NUFIP2: variants seen among roughly 807,000 people sequenced by gnomAD.
NUFIP2 encodes the protein nuclear FMR1 interacting protein 2, also known as FMR1-interacting protein NUFIP2.
In NUFIP2, 6 loss-of-function variants were observed where a neutral mutation model predicts 56.9. That is an observed-to-expected ratio of 0.11 (90% CI 0.06 to 0.21). The LOEUF (loss-of-function observed/expected upper bound fraction) is 0.21, where lower values mean the gene tolerates loss of function less well. Ranked by LOEUF, NUFIP2 falls within the 10% of genes least tolerant of loss-of-function variation. The probability of loss-of-function intolerance (pLI) is 1.00; values close to 1 mark genes in which losing one functional copy is unlikely to be tolerated. For synonymous variants in NUFIP2, 321 were observed against 298.2 expected (o/e 1.08, Z -0.79); for missense variants, 828 against 826.8 (o/e 1.00, Z -0.02).
chr17:29,291,854 A>G (rs2069215771), intron 1 of NUFIP2, among the ~76,000 whole-genome samples: 1 of 152,220 alleles, frequency 6.6e-6, no homozygotes, highest in Admixed American at 6.5e-5. Context: ...TCTATTGCAT[A>G]CTATCGGGTC....
chr17:29,294,114 C>A lies in NUFIP2; in HGVS notation c.-55G>T. 6.5e-7 allele frequency: 1 copy of A among 1,540,770 alleles called. No individual in the cohort carries two copies. The highest frequency in any genetic ancestry group is 8.7e-7 in the Non-Finnish European group (1 of 1,143,540). ...CTGCGGGCTGCTGCACCGTCAGGAT[C>A]TGAGACTGCTTCTCAGGGCTCACTC... On this transcript the variant is annotated 5_prime_UTR_variant, in exon 1 of 4. Transcript: ENST00000225388.
Position 29,286,230 on chromosome 17 carries a change from A to C in NUFIP2, c.1764T>G (p.Ser588Arg). ...GACTGGGTTCCAAGGATAAGGCTCCACTCTCACTAGTAGTCCCAGATTTTA... is the reference window on the plus strand; with the variant it reads ...GACTGGGTTCCAAGGATAAGGCTCCCCTCTCACTAGTAGTCCCAGATTTTA... ...SILKSGTTSE[S>R]GALSLEPSHI... is the part of the protein sequence containing the mutation. The change falls in exon 2 of 4, where the codon AGT (serine) becomes AGG (arginine). Residue 588 changes from serine to arginine, a missense_variant. Ser to Arg is a moderately radical substitution (Grantham distance 110). Coordinates refer to ENST00000225388, the MANE Select transcript of NUFIP2 (RefSeq NM_020772.3). The C allele has an allele frequency of 6.2e-7, 1 of 1,614,036 alleles. No homozygotes were observed. Among genetic ancestry groups the C allele is most frequent in the Non-Finnish European group, 8.5e-7 (1 of 1,180,002 alleles).
intron 3 of NUFIP2, among the ~76,000 whole-genome samples, chr17:29,266,944 C>T (rs1440482108): frequency 6.6e-6 from 1 of 151,806 alleles, no homozygotes; most frequent in Non-Finnish European, 1.5e-5. Context: ...GCTCTTGTTG[C>T]CCAGGCTGGA....
At chr17:29,265,452 G>A (rs1421895946) in intron 3 of NUFIP2, among the ~76,000 whole-genome samples, 1 of 146,412 alleles carries the variant, frequency 6.8e-6, no homozygotes, top group Non-Finnish European at 1.5e-5. Context: ...ACAGGCGCCC[G>A]CTACCACGCC....
intron 2 of NUFIP2, among the ~76,000 whole-genome samples, chr17:29,272,970 C>A (rs2069084842): frequency 6.6e-6 from 1 of 151,894 alleles, no homozygotes; most frequent in Non-Finnish European, 1.5e-5. Context: ...CTGCCTCAGC[C>A]TCCCAAATAG....
rs138637053 is a variant in NUFIP2 at position 29,292,366 on chromosome 17, G to A, written c.277+1417C>T. On this transcript the variant is annotated intron_variant, in intron 1 of 3. Coordinates refer to ENST00000225388, the MANE Select transcript of NUFIP2 (RefSeq NM_020772.3). ...CAAAGACACTACCCAAGCTCAGAAG[G>A]TAAGTGCTGGGTCGGGAGGGGAATG... Among the ~76,000 whole-genome samples, 1,040 of 151,152 alleles carry A rather than the reference G, an allele frequency of 6.9e-3. 8 individuals are homozygous for A. Among genetic ancestry groups the A allele is most frequent in the Non-Finnish European group, 0.011 (770 of 67,874 alleles).
intron 2 of NUFIP2, among the ~76,000 whole-genome samples, chr17:29,270,726 T>A (rs549757525): frequency 5.9e-4 from 90 of 152,106 alleles, no homozygotes; most frequent in Admixed American, 5.9e-4. Flanking sequence ...ACGCCTGTAA[T>A]CCCAGTACTT....
rs1209609960 is a variant in NUFIP2, at chr17:29,260,544, T to C, written c.*3995A>G. 2 of 152,242 alleles carry C rather than the reference T, an allele frequency of 1.3e-5. No homozygotes were observed. The highest frequency in any genetic ancestry group is 4.8e-5 in the African/African-American group (2 of 41,462). 9.4% of individuals were successfully genotyped at this position (152,242 alleles called of 1,614,324 possible). A position where few individuals can be genotyped will look rare whatever the true frequency, so the allele number is the denominator to read the frequency against. ...GTAAAGTCCATTTCCAATAGCCATT[T>C]GATACATGACAATTTCACACTAAAT... On this transcript the variant is annotated 3_prime_UTR_variant, in exon 4 of 4. Transcript: ENST00000225388.
intron 2 of NUFIP2, among the ~76,000 whole-genome samples, chr17:29,268,702 T>G (rs959512521): frequency 7.2e-5 from 11 of 152,002 alleles, no homozygotes; most frequent in African/African-American, 2.7e-4. Flanking sequence ...TATATATATT[T>G]TTTTTTAGTA....
chr17:29,286,703 C>A lies in NUFIP2; in HGVS notation c.1291G>T (p.Gly431Trp), dbSNP rs771144395. The change falls in exon 2 of 4, where the codon GGG becomes TGG. Residue 431 changes from glycine to tryptophan, a missense_variant. Gly to Trp is a radical substitution (Grantham distance 184). Around this residue, in one of 3 missense-constraint regions of NUFIP2, gnomAD observed 404 missense variants for 380.3 expected, o/e 1.06. Transcript: ENST00000225388. ...AGTDGNVYPP[G>W]GQPLLTTAAN... ...GCAGTAGTTAGCAGTGGCTGACCCC[C>A]TGGAGGATAAACATTTCCATCAGTC... is the stretch of plus-strand genomic sequence containing the variant. 6.2e-7 allele frequency: 1 copy of A among 1,614,138 alleles called. No individual in the cohort carries two copies. Among genetic ancestry groups the A allele is most frequent in the Admixed American group, 1.7e-5 (1 of 60,008 alleles).
At chr17:29,289,173 C>T (rs2069195780) in intron 1 of NUFIP2, among the ~76,000 whole-genome samples, 1 of 152,202 alleles carries the variant, frequency 6.6e-6, no homozygotes, top group Non-Finnish European at 1.5e-5. Context: ...AAACCTTCAA[C>T]TACCATAAAA....
rs1642261577 is a variant in NUFIP2 at position 29,263,196 on chromosome 17, T to C, written c.*1343A>G. 6.6e-6 allele frequency: 1 copy of C among 152,296 alleles called. No homozygotes were observed. The highest frequency in any genetic ancestry group is 1.9e-4 in the East Asian group (1 of 5,202). The allele number at this position is 152,296 out of a possible 1,614,324, so 9.4% of individuals were successfully genotyped here. A position where few individuals can be genotyped will look rare whatever the true frequency, so the allele number is the denominator to read the frequency against. On this transcript the variant is annotated 3_prime_UTR_variant, in exon 4 of 4. Coordinates refer to ENST00000225388, the MANE Select transcript of NUFIP2 (RefSeq NM_020772.3). The stretch of plus-strand genomic sequence containing the variant: ...CAATCTCAATTGGACCCTTAATTTC[T>C]GCACACACACACAAAAATTTATTTT...
At chr17:29,290,953 T>C (rs1176714051) in intron 1 of NUFIP2, among the ~76,000 whole-genome samples, 1 of 149,274 alleles carries the variant, frequency 6.7e-6, no homozygotes, top group Non-Finnish European at 1.5e-5. Flanking sequence ...TACTAGTATG[T>C]AGCGACTCAG....
chr17:29,290,617 G>C (rs2069205383), intron 1 of NUFIP2, among the ~76,000 whole-genome samples: 1 of 149,364 alleles, frequency 6.7e-6, no homozygotes, highest in Admixed American at 6.7e-5. Context: ...CCACTGCACT[G>C]CACTCCAGCC....
intron 1 of NUFIP2, among the ~76,000 whole-genome samples, chr17:29,292,528 T>A (rs1412644836): frequency 2.0e-5 from 3 of 151,332 alleles, no homozygotes; most frequent in Admixed American, 2.0e-4. Flanking sequence ...GAGAAACTCG[T>A]GACCGGGGAG....
chr17:29,290,109 T>A (rs1459967693), intron 1 of NUFIP2, among the ~76,000 whole-genome samples: 1 of 151,928 alleles, frequency 6.6e-6, no homozygotes, highest in Non-Finnish European at 1.5e-5. Context: ...GGTTTCGAAC[T>A]CCTGACCTCA....
rs959608327 is a variant in NUFIP2 at position 29,279,628 on chromosome 17, G to T, written c.2002+6364C>A. 2.0e-5 allele frequency among the ~76,000 whole-genome samples: 3 copies of T among 151,994 alleles called. No individual in the cohort carries two copies. In the South Asian group the frequency reaches 6.2e-4, roughly 32 times the overall value. On this transcript the variant is annotated intron_variant, in intron 2 of 3. Coordinates refer to ENST00000225388, the MANE Select transcript of NUFIP2 (RefSeq NM_020772.3). Reference sequence around the variant, plus strand: ...GGCTCACTGCATCTTTGACCTCTTGGGCTTGGTGATATCCTCCATCTCAGC... The same window carrying T: ...GGCTCACTGCATCTTTGACCTCTTGTGCTTGGTGATATCCTCCATCTCAGC...
chr17:29,276,416 T>G (rs2069108800), intron 2 of NUFIP2, among the ~76,000 whole-genome samples: 1 of 152,102 alleles, frequency 6.6e-6, no homozygotes, highest in African/African-American at 2.4e-5. Flanking sequence ...CACTGCAACC[T>G]CCACCTCCCA....
intron 2 of NUFIP2, among the ~76,000 whole-genome samples, chr17:29,282,251 T>A (rs77119775): frequency 0.076 from 11,522 of 152,004 alleles, 625 homozygotes; most frequent in Middle Eastern, 0.14. Flanking sequence ...CGCCAAAACC[T>A]TGAGTCAAAT....
Sources: allele counts gnomAD v4.1 joint callset (sites outside exome capture counted in the v4.1 genomes callset), GRCh38; gene constraint gnomAD v4.1.1; regional missense constraint gnomAD v4.1.1; transcripts MANE v1.5; gene names NCBI Gene and HGNC (gene_info 2026-07-23, HGNC 2026-07-21).